TMEM53: variants seen among roughly 807,000 people sequenced by gnomAD.
The protein encoded by TMEM53 is novel DUF829 domain-containing protein.
Under a neutral mutation model 21.4 loss-of-function variants are expected in TMEM53, and 14 were observed. The ratio of observed to expected loss-of-function variants is 0.65; its 90% CI spans 0.43 to 1.02. The LOEUF (loss-of-function observed/expected upper bound fraction) is 1.02, where lower values mean the gene tolerates loss of function less well. TMEM53 is among the 50% of genes least tolerant of loss of function. TMEM53 has a pLI of 0.00. For synonymous variants in TMEM53, 148 were observed against 157.4 expected, an observed-to-expected ratio of 0.94 and a Z score of 0.45; for missense variants, 323 against 383.6, an observed-to-expected ratio of 0.84 and a Z score of 1.32.
Position 44,660,290 on chromosome 1 carries a change from T to C in TMEM53, c.67A>G (p.Ser23Gly), listed in dbSNP as rs761708088. The C allele has an allele frequency of 6.2e-7, 1 of 1,613,180 alleles. No homozygotes were observed. Among genetic ancestry groups the C allele is most frequent in the Non-Finnish European group, 8.5e-7 (1 of 1,179,720 alleles). ...PDQPCWSQKN[S>G]PSPGGKEAET... ...GCCTCCTTCCCACCTGGGCTGGGGC[T>C]GTTCTCTGAAACACAGATGTGGACT... is the stretch of plus-strand genomic sequence containing the variant. Residue 23 changes from serine (S) to glycine (G), a missense_variant, in exon 2 of 3, where the codon AGC (serine) becomes GGC (glycine). Physicochemically the swap from Ser to Gly is moderately conservative, Grantham distance 56. Coordinates refer to ENST00000372237, the MANE Select transcript of TMEM53 (RefSeq NM_024587.4).
chr1:44,659,606 A>T lies in TMEM53; in HGVS notation c.183+568T>A, dbSNP rs542896619. Among the ~76,000 whole-genome samples, 57 of 152,322 alleles carry T rather than the reference A, an allele frequency of 3.7e-4. No individual in the cohort carries two copies. In the South Asian group the frequency reaches 0.011, roughly 30 times the overall value. On this transcript the variant is annotated intron_variant, in intron 2 of 2. Transcript: ENST00000372237. ...GAAAGGAGGAGGTCCTGGGAGTACA[A>T]GCTATGTCCAGACACCCAGCCCTGG...
intron 1 of TMEM53, among the ~76,000 whole-genome samples, chr1:44,671,787 G>C (rs1645003411): frequency 6.6e-6 from 1 of 152,210 alleles, no homozygotes; most frequent in Non-Finnish European, 1.5e-5. Context: ...AAATTAGCCA[G>C]GCATGGTGGC....
At position 44,670,169 on chromosome 1, in the gene TMEM53, T is replaced by TAAAAAAAA. The variant is rs780360806; in HGVS notation, c.61+4154_61+4161dup. ...AAAAATAAATACAACTCCTCTGTAT[T>TAAAAAAAA]AAAAAAAAAAAAAAAGACCTTTGGG... On this transcript the variant is annotated intron_variant, in intron 1 of 2. Transcript: ENST00000372237. Among the ~76,000 whole-genome samples, 151 of 103,770 alleles carry TAAAAAAAA rather than the reference T, an allele frequency of 1.5e-3. 3 individuals are homozygous for TAAAAAAAA. Among genetic ancestry groups the TAAAAAAAA allele is most frequent in the Middle Eastern group, 5.4e-3 (1 of 184 alleles). The allele number at this position is 103,770 out of a possible 152,430, so 68.1% of individuals were successfully genotyped here. A position where few individuals can be genotyped will look rare whatever the true frequency, so the allele number is the denominator to read the frequency against.
At chr1:44,659,135 T>C (rs575193689) in intron 2 of TMEM53, among the ~76,000 whole-genome samples, 1 of 152,232 alleles carries the variant, frequency 6.6e-6, no homozygotes, top group African/African-American at 2.4e-5. Flanking sequence ...GGGGAGAGAC[T>C]TCAAGCTCAG....
chr1:44,673,907 T>C, intron 1 of TMEM53: 1 of 985,280 alleles, frequency 1.0e-6, no homozygotes, highest in Non-Finnish European at 1.2e-6. Context: ...TCTGCGAGGA[T>C]CGGTGACCCC....
intron 2 of TMEM53, among the ~76,000 whole-genome samples, chr1:44,657,263 G>A (rs1454772678): frequency 6.6e-6 from 1 of 152,146 alleles, no homozygotes; most frequent in African/African-American, 2.4e-5. Flanking sequence ...ATAACTAGAT[G>A]CAATGTGTGA....
chr1:44,664,715 T>C (rs950685702), intron 1 of TMEM53, among the ~76,000 whole-genome samples: 2 of 152,150 alleles, frequency 1.3e-5, no homozygotes, highest in African/African-American at 4.8e-5. Context: ...AGAGACCCCA[T>C]AAATGACCTC....
chr1:44,658,976 C>G (rs1359413283), intron 2 of TMEM53, among the ~76,000 whole-genome samples: 1 of 152,214 alleles, frequency 6.6e-6, no homozygotes, highest in Non-Finnish European at 1.5e-5. Flanking sequence ...CCATACTTGA[C>G]TATTCCTGGT....
Position 44,655,325 on chromosome 1 carries a change from C to T in TMEM53, c.184-116G>A, listed in dbSNP as rs1456358924. 1.3e-5 allele frequency: 13 copies of T among 1,032,896 alleles called. No homozygotes were observed. The highest frequency in any genetic ancestry group is 4.8e-5 in the African/African-American group (3 of 61,916). The allele number at this position is 1,032,896 out of a possible 1,614,324, so 64.0% of individuals were successfully genotyped here. A position where few individuals can be genotyped will look rare whatever the true frequency, so the allele number is the denominator to read the frequency against. On this transcript the variant is annotated intron_variant, in intron 2 of 2. Transcript: ENST00000372237. This position sits in a 1 kb window ranked among gnomAD's most constrained non-coding sequence, Gnocchi z 4.4. ...AGGACATAGGCCATGGGGCCCACAG[C>T]GTCAGCAATGCTCTGGGTCCTGCTT...
intron 1 of TMEM53, among the ~76,000 whole-genome samples, chr1:44,664,082 A>G (rs1024929220): frequency 1.2e-4 from 18 of 150,626 alleles, no homozygotes; most frequent in African/African-American, 4.4e-4. Context: ...AGCCCAGGAG[A>G]TCAAGGCTGC....
chr1:44,657,894 T>TTC (rs1553133380), intron 2 of TMEM53, among the ~76,000 whole-genome samples: 4 of 151,402 alleles, frequency 2.6e-5, no homozygotes, highest in African/African-American at 2.4e-5. Context: ...TTTTTTTTTT[T>TTC]CTCTACATTC....
chr1:44,659,535 G>A (rs1193952037), intron 2 of TMEM53, among the ~76,000 whole-genome samples: 2 of 152,254 alleles, frequency 1.3e-5, no homozygotes, highest in Non-Finnish European at 2.9e-5. Context: ...GTCTGGGAAT[G>A]TGAAAGGTGC....
At chr1:44,664,852 G>T (rs1006255815) in intron 1 of TMEM53, among the ~76,000 whole-genome samples, 1 of 152,060 alleles carries the variant, frequency 6.6e-6, no homozygotes, top group African/African-American at 2.4e-5. Context: ...ACAGAGAGGG[G>T]AAGTCCCTTT....
rs1305782852 is a variant in TMEM53, at chr1:44,653,291, T to C, written c.*1268A>G. On this transcript the variant is annotated 3_prime_UTR_variant, in exon 3 of 3. Transcript: ENST00000372237. ...ATTGAATACCTACTATATGCCAACA[T>C]TGTGCAGTAGTGACTTCTAGAATGA... 1 of 152,226 alleles carries C rather than the reference T, an allele frequency of 6.6e-6. No individual in the cohort carries two copies. Among genetic ancestry groups the C allele is most frequent in the Non-Finnish European group, 1.5e-5 (1 of 68,048 alleles). The allele number at this position is 152,226 out of a possible 1,614,324, so 9.4% of individuals were successfully genotyped here.
chr1:44,663,926 C>T (rs1644923657), intron 1 of TMEM53, among the ~76,000 whole-genome samples: 1 of 152,060 alleles, frequency 6.6e-6, no homozygotes, highest in Non-Finnish European at 1.5e-5. Flanking sequence ...TTTGGGAGGC[C>T]AAAGCAGGCA....
intron 2 of TMEM53, among the ~76,000 whole-genome samples, chr1:44,657,997 C>G (rs1033932749): frequency 6.6e-6 from 1 of 152,042 alleles, no homozygotes; most frequent in Non-Finnish European, 1.5e-5. Context: ...TGGGATCTTA[C>G]TCCATCTACT....
intron 1 of TMEM53, among the ~76,000 whole-genome samples, chr1:44,668,606 G>C (rs1644969958): frequency 6.6e-6 from 1 of 152,130 alleles, no homozygotes; most frequent in Non-Finnish European, 1.5e-5. Context: ...CAGTGGTGTA[G>C]TCATGGCTCA....
At chr1:44,670,206 C>T (rs1297161505) in intron 1 of TMEM53, among the ~76,000 whole-genome samples, 1 of 128,976 alleles carries the variant, frequency 7.8e-6, no homozygotes, top group Non-Finnish European at 1.6e-5. Flanking sequence ...TCCTCGTAGA[C>T]AAGACAAGGA....
Position 44,674,468 on chromosome 1 carries a change from C to T in TMEM53, c.-77G>A. On this transcript the variant is annotated 5_prime_UTR_variant, in exon 1 of 3. Coordinates refer to ENST00000372237, the MANE Select transcript of TMEM53 (RefSeq NM_024587.4). ...GCACCCGTGCCTCACCCGGGCGCCT[C>T]CTGGGCGCCGCCCAATCACCACACA... The T allele has an allele frequency of 6.9e-7, 1 of 1,457,306 alleles. No homozygotes were observed. The highest frequency in any genetic ancestry group is 9.3e-7 in the Non-Finnish European group (1 of 1,076,572). 90.3% of individuals were successfully genotyped at this position (1,457,306 alleles called of 1,614,324 possible). A position where few individuals can be genotyped will look rare whatever the true frequency, so the allele number is the denominator to read the frequency against.
Sources: gnomAD v4.1 joint callset for allele counts (sites outside exome capture counted in the v4.1 genomes callset) on GRCh38, gnomAD v4.1.1 for gene constraint, Gnocchi (gnomAD v3.1) non-coding constraint, MANE v1.5 for transcripts, NCBI Gene and HGNC (gene_info 2026-07-23, HGNC 2026-07-21) for gene names.